TP63: variants seen among roughly 807,000 people sequenced by gnomAD.
TP63 encodes tumor protein p63, also known as tumor protein 63.
TP63 carries 17 observed loss-of-function variants against 82.8 expected under a neutral mutation model. The observed-to-expected ratio is 0.21, with a 90% CI of 0.14 to 0.31. The LOEUF (loss-of-function observed/expected upper bound fraction) is 0.31. Ranked by LOEUF, TP63 falls within the 10% of genes least tolerant of loss-of-function variation. The probability of loss-of-function intolerance (pLI) is 1.00; values close to 1 mark genes in which losing one functional copy is unlikely to be tolerated. For synonymous variants in TP63, 330 were observed against 321.7 expected, an observed-to-expected ratio of 1.03 and a Z score of -0.28; for missense variants, 648 against 895.3, an observed-to-expected ratio of 0.72 and a Z score of 3.52.
intron 4 of TP63, among the ~76,000 whole-genome samples, chr3:189,828,582 A>G (rs1711804920): frequency 1.3e-5 from 2 of 152,168 alleles, no homozygotes; most frequent in African/African-American, 4.8e-5. Context: ...CATACCTGTA[A>G]TTGGTCAGAC....
chr3:189,611,046 A>G, the TP63 span, among the ~76,000 whole-genome samples: 1 of 151,990 alleles, frequency 6.6e-6, no homozygotes, highest in African/African-American at 2.4e-5. Context: ...GATCCCTCCC[A>G]TAACATGTGG....
chr3:189,703,386 A>T lies in TP63; in HGVS notation c.63-34354A>T, dbSNP rs953136659. Among the ~76,000 whole-genome samples, 8 of 151,976 alleles carry T rather than the reference A, an allele frequency of 5.3e-5. No individual in the cohort carries two copies. In the East Asian group the frequency reaches 1.5e-3, roughly 29 times the overall value. On this transcript the variant is annotated intron_variant, in intron 1 of 13. Transcript: ENST00000264731. ...GATTGTAGTGAGCCAAGATCGTGCCACTGCACTCCAGCTTGGGTGACAGAG... is the reference window on the plus strand; with the variant it reads ...GATTGTAGTGAGCCAAGATCGTGCCTCTGCACTCCAGCTTGGGTGACAGAG...
chr3:189,788,337 G>T (rs1247394621), intron 3 of TP63, among the ~76,000 whole-genome samples: 1 of 151,930 alleles, frequency 6.6e-6, no homozygotes, highest in East Asian at 1.9e-4. Flanking sequence ...CAATGACCAC[G>T]TCATCCTTTA....
chr3:189,676,556 A>G (rs1325461775), intron 1 of TP63, among the ~76,000 whole-genome samples: 8 of 151,688 alleles, frequency 5.3e-5, no homozygotes, highest in African/African-American at 1.7e-4. Flanking sequence ...GTGTGTGTGC[A>G]TGTGTGTATG....
At chr3:189,751,340 T>A (rs1721808422) in intron 3 of TP63, among the ~76,000 whole-genome samples, 1 of 152,216 alleles carries the variant, frequency 6.6e-6, no homozygotes, top group African/African-American at 2.4e-5. Context: ...TACCCAGTAA[T>A]GGGACCGCTG....
At position 189,848,358 on chromosome 3, in the gene TP63, C is replaced by T. The variant is rs563258136; in HGVS notation, c.580-15874C>T. Among the ~76,000 whole-genome samples the T allele has an allele frequency of 2.4e-4, 36 of 149,512 alleles. No homozygotes were observed. The South Asian group carries it at 7.0e-3, about 29-fold the overall frequency. On this transcript the variant is annotated intron_variant, in intron 4 of 13. Transcript: ENST00000264731. Reference sequence around the variant, plus strand: ...CAAGTGATCCTCTGCACCTCAGCCTCCTACAGATGCCCCCATACCTGGCTT... The same window carrying T: ...CAAGTGATCCTCTGCACCTCAGCCTTCTACAGATGCCCCCATACCTGGCTT...
At chr3:189,808,174 C>G in intron 3 of TP63, 98 bp from the exon 4 acceptor site, 4 of 1,599,886 alleles carry the variant, frequency 2.5e-6, no homozygotes, top group Non-Finnish European at 1.7e-6. Flanking sequence ...GACGTGAGGT[C>G]CATCTCTGTA....
intron 1 of TP63, among the ~76,000 whole-genome samples, chr3:189,674,817 G>A (rs1220706430): frequency 1.3e-5 from 2 of 152,122 alleles, no homozygotes; most frequent in African/African-American, 4.8e-5. Flanking sequence ...TGCAGCTAAG[G>A]CTGAAATCAG....
At chr3:189,811,719 A>C (rs1288351111) in intron 4 of TP63, among the ~76,000 whole-genome samples, 1 of 152,212 alleles carries the variant, frequency 6.6e-6, no homozygotes, top group African/African-American at 2.4e-5. Flanking sequence ...TAGATGAGGA[A>C]ACTTGAAGAT....
intron 3 of TP63, among the ~76,000 whole-genome samples, chr3:189,771,315 A>ATTATATATTTATATATAATATATT (rs1723333998): frequency 7.2e-6 from 1 of 138,190 alleles, no homozygotes; most frequent in African/African-American, 2.7e-5. Flanking sequence ...TATATAATAT[A>ATTATATATTTATATATAATATATT]TTATATATTT....
intron 1 of TP63, among the ~76,000 whole-genome samples, chr3:189,702,648 T>C (rs1374706621): frequency 6.6e-6 from 1 of 152,202 alleles, no homozygotes; most frequent in African/African-American, 2.4e-5. Flanking sequence ...AGGTTGAGCA[T>C]CGCAGAAGGT....
At chr3:189,792,462 GTA>G (rs1392023207) in intron 3 of TP63, among the ~76,000 whole-genome samples, 1 of 152,068 alleles carries the variant, frequency 6.6e-6, no homozygotes, top group Non-Finnish European at 1.5e-5. Flanking sequence ...GTGTAAGTGT[GTA>G]TGTGTGTGAG....
intron 1 of TP63, among the ~76,000 whole-genome samples, chr3:189,683,873 A>T (rs533266232): frequency 6.6e-6 from 1 of 152,226 alleles, no homozygotes; most frequent in Non-Finnish European, 1.5e-5. Flanking sequence ...AAAGTGCCCA[A>T]TGTTCTCACC....
chr3:189,609,492 C>T, the TP63 span, among the ~76,000 whole-genome samples: 1 of 151,902 alleles, frequency 6.6e-6, no homozygotes, highest in East Asian at 1.9e-4. Context: ...TTCATAAGCC[C>T]AGTACCCAAT....
chr3:189,708,289 C>T (rs772103018), intron 1 of TP63, among the ~76,000 whole-genome samples: 26 of 152,178 alleles, frequency 1.7e-4, no homozygotes, highest in Non-Finnish European at 2.9e-4. Flanking sequence ...GAGAAATACA[C>T]GGACTTAAGG....
rs567596680 is a variant in TP63 at position 189,882,294 on chromosome 3, A to G, written c.1350-4100A>G. ...TAGTGACTTGTATATAAATGCACAT[A>G]TTTGAAATGATGGAAAATATTAGAA... is the stretch of plus-strand genomic sequence containing the variant. On this transcript the variant is annotated intron_variant, in intron 10 of 13. Coordinates refer to ENST00000264731, the MANE Select transcript of TP63 (RefSeq NM_003722.5). Among the ~76,000 whole-genome samples, 172 of 152,244 alleles carry G rather than the reference A, an allele frequency of 1.1e-3. 1 individual carries two copies. Among genetic ancestry groups the G allele is most frequent in the African/African-American group, 4.0e-3 (167 of 41,568 alleles).
At chr3:189,733,468 G>T (rs1720321577) in intron 1 of TP63, among the ~76,000 whole-genome samples, 1 of 152,158 alleles carries the variant, frequency 6.6e-6, no homozygotes, top group South Asian at 2.1e-4. Context: ...TATTTGTGTG[G>T]TGATGTTTAC....
upstream of TP63, among the ~76,000 whole-genome samples, chr3:189,630,053 T>C (rs1211042900): frequency 6.6e-6 from 1 of 152,162 alleles, no homozygotes; most frequent in Non-Finnish European, 1.5e-5. Context: ...AGGAAGAGAA[T>C]GTCAAGTTTT....
At chr3:189,826,387 C>T (rs1729350680) in intron 4 of TP63, among the ~76,000 whole-genome samples, 1 of 152,092 alleles carries the variant, frequency 6.6e-6, no homozygotes, top group African/African-American at 2.4e-5. Context: ...TTATGGACAC[C>T]GTGATGTAAA....
Sources: allele counts gnomAD v4.1 joint callset (sites outside exome capture counted in the v4.1 genomes callset), GRCh38; gene constraint gnomAD v4.1.1; transcripts MANE v1.5; gene names NCBI Gene and HGNC (gene_info 2026-07-23, HGNC 2026-07-21).